The following POLN variants were observed in gnomAD, a reference collection of about 807,000 sequenced individuals.
POLN encodes DNA polymerase N.
POLN carries 108 observed loss-of-function variants against 113.5 expected under a neutral mutation model. The observed-to-expected ratio is 0.95, with a 90% CI of 0.81 to 1.12. The LOEUF (loss-of-function observed/expected upper bound fraction) is 1.12. Among genes scored for constraint, POLN ranks in the 50% most tolerant of loss-of-function variants. POLN has a pLI of 0.00. For missense variants in POLN, 1,097 were observed against 1,077.1 expected, an observed-to-expected ratio of 1.02 and a Z score of -0.26; for synonymous variants, 386 against 391.5, an observed-to-expected ratio of 0.99 and a Z score of 0.17.
rs547740504 is a variant in POLN at position 2,102,968 on chromosome 4, C to T, written c.1983-7035G>A. 2.6e-5 allele frequency among the ~76,000 whole-genome samples: 4 copies of T among 152,252 alleles called. No individual in the cohort carries two copies. In the East Asian group the frequency reaches 7.7e-4, roughly 29 times the overall value. On this transcript the variant is annotated intron_variant, in intron 19 of 25. Transcript: ENST00000511885. ...AAAATAAGAAGCAGCAACTGTTACA[C>T]CAGATGTGCAGAAATCAATGTAAGG...
chr4:2,224,193 A>C (rs1734329302), intron 3 of POLN, among the ~76,000 whole-genome samples: 1 of 152,206 alleles, frequency 6.6e-6, no homozygotes, highest in African/African-American at 2.4e-5. Context: ...ACTAAGACAC[A>C]CACACACATT....
intron 16 of POLN, among the ~76,000 whole-genome samples, chr4:2,149,073 G>A (rs1732225554): frequency 6.6e-6 from 1 of 152,044 alleles, no homozygotes; most frequent in Admixed American, 6.5e-5. Flanking sequence ...ACAGGCAGAT[G>A]GCTTGAGCTT....
At chr4:2,186,147 T>G (rs1733267099) in intron 7 of POLN, among the ~76,000 whole-genome samples, 1 of 152,138 alleles carries the variant, frequency 6.6e-6, no homozygotes, top group East Asian at 1.9e-4. Flanking sequence ...GTAGAAAAAC[T>G]TCTCCCAATT....
intron 16 of POLN, among the ~76,000 whole-genome samples, chr4:2,136,261 C>T (rs992214316): frequency 6.6e-6 from 1 of 152,236 alleles, no homozygotes; most frequent in African/African-American, 2.4e-5. Context: ...AATTTTCTTA[C>T]AATTTTAATC....
chr4:2,089,925 A>G, intron 20 of POLN: 1 of 986,624 alleles, frequency 1.0e-6, no homozygotes, highest in South Asian at 1.4e-5. Context: ...TTGACATATC[A>G]GGAATTAAGT....
chr4:2,198,452 C>T, intron 6 of POLN, 72 bp downstream of exon 6: 2 of 1,353,572 alleles, frequency 1.5e-6, no homozygotes. Context: ...AAAACTGGAC[C>T]TTGAGCAAGT....
intron 23 of POLN, chr4:2,079,741 C>G: frequency 1.5e-5 from 11 of 751,664 alleles, no homozygotes; most frequent in Non-Finnish European, 1.8e-5. Context: ...TGCGCCACCA[C>G]ACCTGGCTAA....
At chr4:2,210,627 T>TAA (rs1180444401) in intron 4 of POLN, among the ~76,000 whole-genome samples, 1 of 110,100 alleles carries the variant, frequency 9.1e-6, no homozygotes, top group African/African-American at 4.4e-5. Context: ...ATAATAATAA[T>TAA]AATAAAAAAA....
intron 8 of POLN, 142 bp downstream of exon 8, chr4:2,179,166 G>T: frequency 1.2e-6 from 1 of 829,294 alleles, no homozygotes; most frequent in Non-Finnish European, 1.8e-6. Flanking sequence ...GAAATGCCAA[G>T]GTCACAACTA....
intron 2 of POLN, chr4:2,238,682 T>G (rs1253390213): frequency 6.2e-7 from 1 of 1,613,430 alleles, no homozygotes; most frequent in East Asian, 2.2e-5. Flanking sequence ...TGTTAACATT[T>G]CTAATTGCTT....
chr4:2,154,126 A>G (rs1732362459), intron 16 of POLN, among the ~76,000 whole-genome samples: 1 of 136,826 alleles, frequency 7.3e-6, no homozygotes, highest in Non-Finnish European at 1.5e-5. Flanking sequence ...TGAACCAGTG[A>G]GGCAGAGCTT....
chr4:2,080,852 C>A, intron 23 of POLN, 106 bp downstream of exon 23: 1 of 1,590,044 alleles, frequency 6.3e-7, no homozygotes, highest in South Asian at 1.1e-5. Context: ...GGGACGGGGG[C>A]CCGATAAGCA....
chr4:2,112,370 C>A (rs1022639638), intron 19 of POLN, among the ~76,000 whole-genome samples: 1 of 152,148 alleles, frequency 6.6e-6, no homozygotes, highest in Non-Finnish European at 1.5e-5. Flanking sequence ...GCAACAGAAG[C>A]CAAAATTGAC....
intron 2 of POLN, among the ~76,000 whole-genome samples, chr4:2,237,880 A>T (rs1734821823): frequency 6.6e-6 from 1 of 152,184 alleles, no homozygotes; most frequent in Admixed American, 6.5e-5. Flanking sequence ...TTCAATCCCA[A>T]AGCTGCCAAT....
At chr4:2,204,111 A>C (rs1440490612) in intron 5 of POLN, among the ~76,000 whole-genome samples, 1 of 68,280 alleles carries the variant, frequency 1.5e-5, no homozygotes, top group African/African-American at 1.4e-4. Context: ...CTCTATCACA[A>C]AAAAAAAAAA....
At chr4:2,146,196 T>C (rs1428064690) in intron 16 of POLN, among the ~76,000 whole-genome samples, 1 of 152,074 alleles carries the variant, frequency 6.6e-6, no homozygotes, top group East Asian at 1.9e-4. Flanking sequence ...GGGAAAGGAT[T>C]AACAGGGGCT....
chr4:2,162,201 A>G (rs1026709706), intron 13 of POLN, among the ~76,000 whole-genome samples: 1 of 152,078 alleles, frequency 6.6e-6, no homozygotes, highest in Non-Finnish European at 1.5e-5. Context: ...CACTACTTTT[A>G]TGAGCTGTAA....
At chr4:2,236,341 A>G in intron 2 of POLN, 2 of 1,613,218 alleles carry the variant, frequency 1.2e-6, no homozygotes, top group Admixed American at 1.7e-5. Flanking sequence ...GATACTGCCA[A>G]CTGATCTTGT....
At chr4:2,165,761 G>A (rs1397054883) in intron 13 of POLN, among the ~76,000 whole-genome samples, 1 of 151,962 alleles carries the variant, frequency 6.6e-6, no homozygotes, top group Non-Finnish European at 1.5e-5. Context: ...ATTTTACTGT[G>A]AACCTAAAAC....
Sources: gnomAD v4.1 joint callset for allele counts (sites outside exome capture counted in the v4.1 genomes callset) on GRCh38, gnomAD v4.1.1 for gene constraint, MANE v1.5 for transcripts, NCBI Gene and HGNC (gene_info 2026-07-23, HGNC 2026-07-21) for gene names.